The following CEP63 variants were observed in gnomAD, a reference collection of about 807,000 sequenced individuals.
CEP63 encodes the protein centrosomal protein 63, also known as centrosomal protein of 63 kDa.
In CEP63, 84 loss-of-function variants were observed where a neutral mutation model predicts 89.1. The ratio of observed to expected loss-of-function variants is 0.94; its 90% CI spans 0.79 to 1.13. The LOEUF is 1.13. Among genes scored for constraint, CEP63 ranks in the 50% most tolerant of loss-of-function variants. CEP63 has a pLI of 0.00. For synonymous variants in CEP63, 267 were observed against 272.5 expected (o/e 0.98, Z 0.20); for missense variants, 838 against 813.3 (o/e 1.03, Z -0.37).
At chr3:134,570,084 C>T (rs1471229578) in intron 11 of CEP63, among the ~76,000 whole-genome samples, 1 of 152,192 alleles carries the variant, frequency 6.6e-6, no homozygotes, top group African/African-American at 2.4e-5. Context: ...GGACCCTGGG[C>T]CTGGCCCATG....
chr3:134,646,912 A>G, the CEP63 span, among the ~76,000 whole-genome samples: 1 of 152,122 alleles, frequency 6.6e-6, no homozygotes, highest in Non-Finnish European at 1.5e-5. Flanking sequence ...GTGTTACCAC[A>G]GAGATCCTGG....
At chr3:134,536,430 T>A (rs1312952644) in intron 5 of CEP63, 1 of 153,130 alleles carries the variant, frequency 6.5e-6, no homozygotes, top group African/African-American at 2.4e-5. Context: ...GATAGAAAGA[T>A]TGAGTTTCCT....
At chr3:134,678,440 G>A in the CEP63 span, among the ~76,000 whole-genome samples, 5 of 152,080 alleles carry the variant, frequency 3.3e-5, no homozygotes, top group Non-Finnish European at 4.4e-5. Flanking sequence ...TCTATGCTGT[G>A]TGCTTCTGGA....
intron 10 of CEP63, among the ~76,000 whole-genome samples, chr3:134,581,559 C>A (rs1194662424): frequency 1.3e-5 from 2 of 151,544 alleles, no homozygotes; most frequent in Non-Finnish European, 2.9e-5. Flanking sequence ...CCAGCCTGGG[C>A]AACAAGAGCA....
At chr3:134,553,705 AC>A (rs1371886416) in intron 12 of CEP63, among the ~76,000 whole-genome samples, 5 of 152,244 alleles carry the variant, frequency 3.3e-5, no homozygotes, top group Admixed American at 2.6e-4. Flanking sequence ...GTGAATTGAT[AC>A]GGCCTTTCTA....
At chr3:134,548,357 T>A (rs1179804050) in intron 9 of CEP63, among the ~76,000 whole-genome samples, 1 of 152,192 alleles carries the variant, frequency 6.6e-6, no homozygotes, top group East Asian at 1.9e-4. Flanking sequence ...TCCTTTTTGT[T>A]CTGCTGTGGT....
the CEP63 span, among the ~76,000 whole-genome samples, chr3:134,693,935 C>A: frequency 8.7e-4 from 133 of 152,226 alleles, no homozygotes; most frequent in Non-Finnish European, 1.6e-3. Flanking sequence ...TCACTCTTCA[C>A]GTTCTGGGCT....
chr3:134,584,965 T>TTTGTTTTG lies in CEP63; in HGVS notation c.1207-2491_1207-2490insGTTTTGTT, dbSNP rs1553799230. Reference sequence around the variant, plus strand: ...TTCTAGATTTTCTAGGGTTTTTTTTTTTTTTTTTTGCATGGAGGTGTTTAT... The same window carrying TTTGTTTTG: ...TTCTAGATTTTCTAGGGTTTTTTTTTTTGTTTTGTTTTTTTTTGCATGGAGGTGTTTAT... On this transcript the variant is annotated intron_variant, in intron 10 of 10. Coordinates refer to the CEP63 transcript ENST00000683931. Among the ~76,000 whole-genome samples the TTTGTTTTG allele has an allele frequency of 1.6e-4, 21 of 134,840 alleles. 1 individual carries two copies. Among genetic ancestry groups the TTTGTTTTG allele is most frequent in the South Asian group, 7.3e-4 (3 of 4,118 alleles). 88.5% of individuals were successfully genotyped at this position (134,840 alleles called of 152,430 possible).
intron 12 of CEP63, among the ~76,000 whole-genome samples, chr3:134,554,440 T>C (rs986673285): frequency 2.1e-5 from 3 of 146,032 alleles, no homozygotes; most frequent in Non-Finnish European, 4.5e-5. Flanking sequence ...TGCATAGTAT[T>C]CCATGGTGTA....
At chr3:134,609,387 G>C in the CEP63 span, among the ~76,000 whole-genome samples, 1 of 152,212 alleles carries the variant, frequency 6.6e-6, no homozygotes, top group Admixed American at 6.5e-5. Flanking sequence ...AAGAGGAGCA[G>C]TGTTGAGAAT....
intron 2 of CEP63, among the ~76,000 whole-genome samples, chr3:134,504,085 G>A (rs1307766690): frequency 4.7e-5 from 7 of 148,772 alleles, no homozygotes; most frequent in Admixed American, 1.3e-4. Context: ...TTCCTTTATT[G>A]TTTACCTGTG....
At chr3:134,731,878 A>G in the CEP63 span, among the ~76,000 whole-genome samples, 1 of 152,226 alleles carries the variant, frequency 6.6e-6, no homozygotes, top group Non-Finnish European at 1.5e-5. Flanking sequence ...AAAAAGTTTG[A>G]CAATAAGTGC....
At chr3:134,628,817 A>G in the CEP63 span, among the ~76,000 whole-genome samples, 1 of 152,306 alleles carries the variant, frequency 6.6e-6, no homozygotes, top group East Asian at 1.9e-4. Flanking sequence ...AAGGTCACAC[A>G]GCTGAAACAT....
chr3:134,501,033 G>A (rs917986901), intron 2 of CEP63, among the ~76,000 whole-genome samples: 1 of 152,068 alleles, frequency 6.6e-6, no homozygotes, highest in Non-Finnish European at 1.5e-5. Context: ...GGAAGTGTAG[G>A]GGTTGAGTTT....
the CEP63 span, among the ~76,000 whole-genome samples, chr3:134,777,089 C>T: frequency 6.6e-6 from 1 of 152,178 alleles, no homozygotes; most frequent in Non-Finnish European, 1.5e-5. Flanking sequence ...GACAAACACA[C>T]ATTTAACCAG....
At position 134,522,986 on chromosome 3, in the gene CEP63, C is replaced by T. The variant is rs144020835; in HGVS notation, c.223-8859C>T. On this transcript the variant is annotated intron_variant, in intron 3 of 14. Transcript: ENST00000675561. ...TCTTTAAGGGATCACCATCATCTTCCATAGTGGTTAAACTAATTTACACTT... is the reference window on the plus strand; with the variant it reads ...TCTTTAAGGGATCACCATCATCTTCTATAGTGGTTAAACTAATTTACACTT... Among the ~76,000 whole-genome samples, 196 of 152,234 alleles carry T rather than the reference C, an allele frequency of 1.3e-3. 1 individual carries two copies. Among genetic ancestry groups the T allele is most frequent in the African/African-American group, 4.3e-3 (179 of 41,544 alleles).
the CEP63 span, among the ~76,000 whole-genome samples, chr3:134,597,312 A>G: frequency 3.7e-4 from 56 of 152,174 alleles, no homozygotes; most frequent in Non-Finnish European, 6.5e-4. Context: ...CTTGGAGTAC[A>G]TATTTCTCCT....
chr3:134,512,751 C>G (rs1945284276), intron 3 of CEP63, among the ~76,000 whole-genome samples: 1 of 152,108 alleles, frequency 6.6e-6, no homozygotes, highest in Non-Finnish European at 1.5e-5. Flanking sequence ...GGGTTTTGCT[C>G]TCTTACATAC....
chr3:134,718,649 C>T, the CEP63 span, among the ~76,000 whole-genome samples: 1 of 152,154 alleles, frequency 6.6e-6, no homozygotes, highest in African/African-American at 2.4e-5. Flanking sequence ...TTAAACTCAC[C>T]AATCATTAGA....
Sources: gnomAD v4.1 joint callset for allele counts (sites outside exome capture counted in the v4.1 genomes callset) on GRCh38, gnomAD v4.1.1 for gene constraint, MANE v1.5 for transcripts, NCBI Gene and HGNC (gene_info 2026-07-23, HGNC 2026-07-21) for gene names.